ADGB: variants seen among roughly 807,000 people sequenced by gnomAD.
ADGB encodes the protein androglobin.
ADGB carries 172 observed loss-of-function variants against 210.5 expected under a neutral mutation model. That is an observed-to-expected ratio of 0.82 (90% confidence interval 0.72 to 0.93). The LOEUF is 0.93. Among genes scored for constraint, ADGB ranks in the 40% least tolerant of loss-of-function variants. ADGB has a pLI of 0.00. For missense variants in ADGB, 2,025 were observed against 1,964.8 expected (o/e 1.03, Z -0.58); for synonymous variants, 658 against 662.7 (o/e 0.99, Z 0.11).
intron 11 of ADGB, 60 bp downstream of exon 11, chr6:146,691,350 T>A: frequency 7.4e-7 from 1 of 1,353,366 alleles, no homozygotes. Flanking sequence ...AACAGTTTCA[T>A]CTGCGGTGAA....
chr6:146,673,156 A>G (rs1413022176), intron 8 of ADGB, among the ~76,000 whole-genome samples: 2 of 152,240 alleles, frequency 1.3e-5, no homozygotes, highest in African/African-American at 4.8e-5. Context: ...CTAGTGCATT[A>G]AGTACATCAA....
At chr6:146,762,710 T>C (rs1417847292) in intron 27 of ADGB, among the ~76,000 whole-genome samples, 1 of 152,150 alleles carries the variant, frequency 6.6e-6, no homozygotes, top group Non-Finnish European at 1.5e-5. Context: ...GCTTAGTAAG[T>C]CAGTTCTAGA....
intron 4 of ADGB, 121 bp downstream of exon 4, chr6:146,654,327 T>C (rs974055702): frequency 7.7e-5 from 33 of 425,952 alleles, no homozygotes; most frequent in Non-Finnish European, 1.2e-4. Context: ...GTATTATATA[T>C]ATATATATAT....
intron 33 of ADGB, among the ~76,000 whole-genome samples, chr6:146,795,635 TA>T (rs1209077416): frequency 6.6e-6 from 1 of 152,142 alleles, no homozygotes; most frequent in Admixed American, 6.5e-5. Context: ...TGGCTATTAT[TA>T]ATAGCCTGAC....
intron 7 of ADGB, among the ~76,000 whole-genome samples, chr6:146,670,097 A>T (rs1775987607): frequency 6.6e-6 from 1 of 152,136 alleles, no homozygotes; most frequent in African/African-American, 2.4e-5. Context: ...CATCTGCATT[A>T]TTACCATCCT....
At chr6:146,752,183 A>G (rs957872781) in intron 26 of ADGB, among the ~76,000 whole-genome samples, 1 of 152,078 alleles carries the variant, frequency 6.6e-6, no homozygotes, top group African/African-American at 2.4e-5. Flanking sequence ...GGGAGGCCTC[A>G]GGAAGCTTCC....
intron 18 of ADGB, 105 bp downstream of exon 18, chr6:146,724,432 A>T: frequency 8.2e-7 from 1 of 1,219,818 alleles, no homozygotes. Flanking sequence ...ATTGTTTCTC[A>T]AAGCAATTTC....
chr6:146,784,487 T>A (rs1777845169), intron 30 of ADGB, 131 bp from the exon 31 acceptor site: 1 of 750,358 alleles, frequency 1.3e-6, no homozygotes, highest in East Asian at 3.1e-5. Context: ...TTCGTACAAG[T>A]CTTTTGTGAA....
intron 13 of ADGB, among the ~76,000 whole-genome samples, chr6:146,706,244 T>C (rs1420443176): frequency 2.6e-5 from 4 of 151,300 alleles, no homozygotes; most frequent in African/African-American, 9.7e-5. Flanking sequence ...TTTTTGTTTT[T>C]TTTTTCTTTT....
At chr6:146,807,378 G>T (rs774234402) in intron 35 of ADGB, 27 of 1,546,874 alleles carry the variant, frequency 1.7e-5, no homozygotes, top group Middle Eastern at 1.7e-4. Context: ...GGAATTATTT[G>T]TTTGGGGTTT....
At chr6:146,715,140 A>G (rs1278644111) in intron 13 of ADGB, among the ~76,000 whole-genome samples, 1 of 152,232 alleles carries the variant, frequency 6.6e-6, no homozygotes, top group African/African-American at 2.4e-5. Flanking sequence ...ATCATTTAGT[A>G]AATTAACATA....
chr6:146,782,982 GA>G (rs1583636925), intron 30 of ADGB, among the ~76,000 whole-genome samples: 2 of 152,272 alleles, frequency 1.3e-5, no homozygotes. Flanking sequence ...ACATTAACAT[GA>G]TCAGATTTAC....
intron 29 of ADGB, among the ~76,000 whole-genome samples, chr6:146,778,156 TATTGGC>T (rs1227868317): frequency 6.6e-6 from 1 of 152,212 alleles, no homozygotes; most frequent in Non-Finnish European, 1.5e-5. Context: ...TCCCACACTC[TATTGGC>T]ATTGAGAGCT....
In ADGB at chr6:146,794,430, A is replaced by G. The variant is rs145561172; in HGVS notation, c.4537+5820A>G. Among the ~76,000 whole-genome samples the G allele has an allele frequency of 6.6e-3, 1,012 of 152,274 alleles. 4 individuals carry two copies. Among genetic ancestry groups the G allele is most frequent in the South Asian group, 0.012 (59 of 4,830 alleles). On this transcript the variant is annotated intron_variant, in intron 33 of 35. Coordinates refer to ENST00000397944, the MANE Select transcript of ADGB (RefSeq NM_024694.4). ...GAAAAAACCTTACTGTTTCCTCACAAGTTTATCATGATTTTGTATATTTTT... is the reference window on the plus strand; with the variant it reads ...GAAAAAACCTTACTGTTTCCTCACAGGTTTATCATGATTTTGTATATTTTT...
intron 7 of ADGB, among the ~76,000 whole-genome samples, chr6:146,668,298 A>T (rs1775963685): frequency 6.6e-6 from 1 of 152,094 alleles, no homozygotes; most frequent in Non-Finnish European, 1.5e-5. Flanking sequence ...GGTAATAGGA[A>T]GCTGCAATTC....
chr6:146,628,044 G>A (rs764527423), intron 1 of ADGB, among the ~76,000 whole-genome samples: 23 of 152,084 alleles, frequency 1.5e-4, no homozygotes, highest in Non-Finnish European at 2.1e-4. Flanking sequence ...GTGACTCTAA[G>A]ATGGAAGTGA....
chr6:146,752,761 T>A, intron 27 of ADGB, 47 bp downstream of exon 27: 3 of 1,441,200 alleles, frequency 2.1e-6, no homozygotes, highest in Non-Finnish European at 2.8e-6. Context: ...TAAATGGATA[T>A]TTATGTTTTC....
chr6:146,608,967 G>T (rs773504712), intron 1 of ADGB, among the ~76,000 whole-genome samples: 39 of 152,262 alleles, frequency 2.6e-4, no homozygotes, highest in Non-Finnish European at 4.4e-4. Context: ...TGTCATCGGG[G>T]TGTTAAGGTC....
chr6:146,705,694 G>A (rs1275059296), intron 13 of ADGB, among the ~76,000 whole-genome samples: 1 of 151,988 alleles, frequency 6.6e-6, no homozygotes, highest in East Asian at 1.9e-4. Flanking sequence ...TTTTGTTAAG[G>A]ATTTTTGCAT....
Sources: gnomAD v4.1 joint callset for allele counts (sites outside exome capture counted in the v4.1 genomes callset) on GRCh38, gnomAD v4.1.1 for gene constraint, MANE v1.5 for transcripts, NCBI Gene and HGNC (gene_info 2026-07-23, HGNC 2026-07-21) for gene names.